Variants in KCNQ1 observed in about 807,000 individuals in gnomAD.
The protein encoded by KCNQ1 is potassium voltage-gated channel subfamily KQT member 1.
Under a neutral mutation model 72.4 loss-of-function variants are expected in KCNQ1, and 49 were observed. The ratio of observed to expected loss-of-function variants is 0.68; its 90% CI spans 0.54 to 0.86. The LOEUF (loss-of-function observed/expected upper bound fraction) is 0.86. KCNQ1 is among the 40% of genes least tolerant of loss of function. KCNQ1 has a pLI of 0.00. For synonymous variants in KCNQ1, 450 were observed against 412.6 expected (o/e 1.09, Z -1.10); for missense variants, 790 against 945.1 (o/e 0.84, Z 2.15).
At chr11:2,584,579 GTGTGTGTT>G (rs1848563246) in intron 7 of KCNQ1, among the ~76,000 whole-genome samples, 1 of 151,514 alleles carries the variant, frequency 6.6e-6, no homozygotes, top group Admixed American at 6.6e-5. Context: ...GTTAGTGTTT[GTGTGTGTT>G]TGTGGGTTAG....
rs553480469 is a variant in KCNQ1, at chr11:2,723,953, G to A, written c.1515-44891G>A. 1.6e-4 allele frequency among the ~76,000 whole-genome samples: 25 copies of A among 152,316 alleles called. No homozygotes were observed. Among genetic ancestry groups the A allele is most frequent in the Admixed American group, 5.2e-4 (8 of 15,306 alleles). On this transcript the variant is annotated intron_variant, in intron 11 of 15. Transcript: ENST00000155840. The surrounding 1 kb of genome is among the most constrained non-coding windows in gnomAD (Gnocchi z 4.2). ...CTCAGCCTTTGTATCTGCCGTGGGC[G>A]TGGAGGCATTTACTCTTTTCACCGG...
chr11:2,496,066 A>G (rs1319827372), intron 1 of KCNQ1, among the ~76,000 whole-genome samples: 1 of 152,096 alleles, frequency 6.6e-6, no homozygotes, highest in Non-Finnish European at 1.5e-5. Flanking sequence ...TTCTTGTTGC[A>G]TTGATCCCTT....
At chr11:2,829,211 A>G (rs902798954) in intron 15 of KCNQ1, among the ~76,000 whole-genome samples, 1 of 152,204 alleles carries the variant, frequency 6.6e-6, no homozygotes, top group African/African-American at 2.4e-5. Flanking sequence ...ACAAAAGGCC[A>G]AGAGAATTTT....
At chr11:2,606,402 G>A (rs560980533) in intron 10 of KCNQ1, among the ~76,000 whole-genome samples, 24 of 152,262 alleles carry the variant, frequency 1.6e-4, no homozygotes, top group Non-Finnish European at 3.2e-4. Flanking sequence ...CGGAGCCCTC[G>A]TGAATGGCTT....
intron 10 of KCNQ1, chr11:2,625,870 T>G: frequency 5.0e-6 from 2 of 398,634 alleles, no homozygotes; most frequent in East Asian, 7.1e-5. Flanking sequence ...TGCCTGGCCC[T>G]TTTGCCCATT....
Position 2,676,646 on chromosome 11 carries a change from T to C in KCNQ1, c.1514+14565T>C, listed in dbSNP as rs1850300199. 2.5e-6 allele frequency: 1 copy of C among 398,530 alleles called. No homozygotes were observed. The highest frequency in any genetic ancestry group is 4.4e-6 in the Non-Finnish European group (1 of 226,088). 24.7% of individuals were successfully genotyped at this position (398,530 alleles called of 1,614,324 possible). On this transcript the variant is annotated intron_variant, in intron 11 of 15. Coordinates refer to ENST00000155840, the MANE Select transcript of KCNQ1 (RefSeq NM_000218.3). This position sits in a 1 kb window ranked among gnomAD's most constrained non-coding sequence, Gnocchi z 4.2. ...GTAGCTTCACAGATTCACAGATAGATAGTTCATTAAGGTCTTGAGTATTTC... is the reference window on the plus strand; with the variant it reads ...GTAGCTTCACAGATTCACAGATAGACAGTTCATTAAGGTCTTGAGTATTTC...
rs143541448 is a variant in KCNQ1 at position 2,733,144 on chromosome 11, G to A, written c.1515-35700G>A. 1.9e-3 allele frequency among the ~76,000 whole-genome samples: 287 copies of A among 152,198 alleles called. 1 individual carries two copies. Among genetic ancestry groups the A allele is most frequent in the African/African-American group, 6.7e-3 (278 of 41,522 alleles). ...GCACGTCTCCAGTGTCCCTCAGAAC[G>A]GCTCTGGCCCCGCAGCTGGGGTCTG... On this transcript the variant is annotated intron_variant, in intron 11 of 15. Coordinates refer to ENST00000155840, the MANE Select transcript of KCNQ1 (RefSeq NM_000218.3).
At chr11:2,806,140 C>T (rs1847368655) in intron 15 of KCNQ1, among the ~76,000 whole-genome samples, 1 of 152,164 alleles carries the variant, frequency 6.6e-6, no homozygotes, top group African/African-American at 2.4e-5. Context: ...AAAACATCAC[C>T]TTACAGAAAA....
At chr11:2,844,436 C>T (rs1159989548) in intron 15 of KCNQ1, among the ~76,000 whole-genome samples, 1 of 152,238 alleles carries the variant, frequency 6.6e-6, no homozygotes, top group Non-Finnish European at 1.5e-5. Flanking sequence ...GCACAGGCAG[C>T]AGTTGAGGTG....
chr11:2,710,635 G>A lies in KCNQ1; in HGVS notation c.1514+48554G>A, dbSNP rs1030540639. Among the ~76,000 whole-genome samples, 5 of 152,052 alleles carry A rather than the reference G, an allele frequency of 3.3e-5. No homozygotes were observed. Among genetic ancestry groups the A allele is most frequent in the South Asian group, 2.1e-4 (1 of 4,818 alleles). On this transcript the variant is annotated intron_variant, in intron 11 of 15. Coordinates refer to ENST00000155840, the MANE Select transcript of KCNQ1 (RefSeq NM_000218.3). The surrounding 1 kb of genome is among the most constrained non-coding windows in gnomAD (Gnocchi z 4.1). ...GCTCTTACACTTAGGTCTTTCATCCGCTTTCAGTTAGTTTAACATATGGTG... is the reference window on the plus strand; with the variant it reads ...GCTCTTACACTTAGGTCTTTCATCCACTTTCAGTTAGTTTAACATATGGTG...
chr11:2,672,859 T>C (rs934514556), intron 11 of KCNQ1: 2 of 398,636 alleles, frequency 5.0e-6, no homozygotes, highest in Admixed American at 4.4e-5. Context: ...TTCTTGAGTG[T>C]CATACCCTAG....
intron 1 of KCNQ1, among the ~76,000 whole-genome samples, chr11:2,503,699 A>T (rs1434008717): frequency 1.3e-5 from 2 of 151,506 alleles, no homozygotes; most frequent in East Asian, 3.8e-4. Context: ...ATAATAATAA[A>T]AAAACAAATG....
intron 15 of KCNQ1, among the ~76,000 whole-genome samples, chr11:2,838,091 T>G (rs528660669): frequency 6.6e-6 from 1 of 152,230 alleles, no homozygotes; most frequent in African/African-American, 2.4e-5. Context: ...TCAGGAATAT[T>G]TAGGGTATAC....
intron 11 of KCNQ1, among the ~76,000 whole-genome samples, chr11:2,749,757 G>A (rs1456006953): frequency 6.6e-6 from 1 of 151,764 alleles, no homozygotes; most frequent in African/African-American, 2.4e-5. Context: ...AGCTTGCAGT[G>A]AGCCAAGATT....
chr11:2,616,320 T>C, intron 10 of KCNQ1: 1 of 397,948 alleles, frequency 2.5e-6, no homozygotes, highest in Non-Finnish European at 4.4e-6. Context: ...TTTTCAACTT[T>C]GATCTTTTCA....
At chr11:2,570,115 C>T (rs1055451720) in intron 2 of KCNQ1, among the ~76,000 whole-genome samples, 1 of 152,204 alleles carries the variant, frequency 6.6e-6, no homozygotes, top group African/African-American at 2.4e-5. Context: ...GTGGGACCCC[C>T]TCTGACCCAG....
chr11:2,555,989 G>A (rs943896305), intron 2 of KCNQ1, among the ~76,000 whole-genome samples: 2 of 152,314 alleles, frequency 1.3e-5, no homozygotes, highest in African/African-American at 4.8e-5. Context: ...CTGATGACCT[G>A]GAGCCCCTGG....
In KCNQ1 at chr11:2,445,499, C is replaced by A. The variant is rs754982943; in HGVS notation, c.386+15C>A. The A allele has an allele frequency of 6.3e-7, 1 of 1,588,354 alleles. No individual in the cohort carries two copies. Among genetic ancestry groups the A allele is most frequent in the Admixed American group, 1.7e-5 (1 of 58,442 alleles). On this transcript the variant is annotated intron_variant, in intron 1 of 15. Coordinates refer to ENST00000155840, the MANE Select transcript of KCNQ1 (RefSeq NM_000218.3). The stretch of plus-strand genomic sequence containing the variant: ...CACTTCGCCGTGTGAGTATCGCCAC[C>A]GGCGACGGCCGGCACGAAGGTGCTT...
In KCNQ1 at chr11:2,735,990, C is replaced by G. The variant is rs1051877842; in HGVS notation, c.1515-32854C>G. On this transcript the variant is annotated intron_variant, in intron 11 of 15. Transcript: ENST00000155840. This position sits in a 1 kb window ranked among gnomAD's most constrained non-coding sequence, Gnocchi z 7.7. ...GCCCTTCCTCCAGTGTGTCTGGAGC[C>G]CCTTCCCTGTGTACAAAGGGACAGA... 2.0e-5 allele frequency among the ~76,000 whole-genome samples: 3 copies of G among 152,166 alleles called. No individual in the cohort carries two copies. The highest frequency in any genetic ancestry group is 7.2e-5 in the African/African-American group (3 of 41,432).
Sources: allele counts gnomAD v4.1 joint callset (sites outside exome capture counted in the v4.1 genomes callset), GRCh38; gene constraint gnomAD v4.1.1; non-coding constraint Gnocchi (gnomAD v3.1); transcripts MANE v1.5; gene names NCBI Gene and HGNC (gene_info 2026-07-23, HGNC 2026-07-21).